The following CACNA2D3 variants were observed in gnomAD, a reference collection of about 807,000 sequenced individuals.
CACNA2D3 encodes voltage-dependent calcium channel subunit alpha-2/delta-3.
In CACNA2D3, 60 loss-of-function variants were observed where a neutral mutation model predicts 160.6. The observed-to-expected ratio is 0.37, with a 90% confidence interval of 0.30 to 0.46. The LOEUF (loss-of-function observed/expected upper bound fraction) is 0.46. Ranked by LOEUF, CACNA2D3 falls within the 20% of genes least tolerant of loss-of-function variation. CACNA2D3 has a pLI of 1.00. For synonymous variants in CACNA2D3, 558 were observed against 492.9 expected, an observed-to-expected ratio of 1.13 and a Z score of -1.75; for missense variants, 1,205 against 1,365.0, an observed-to-expected ratio of 0.88 and a Z score of 1.85.
intron 11 of CACNA2D3, among the ~76,000 whole-genome samples, chr3:54,721,158 C>G (rs937774948): frequency 6.6e-6 from 1 of 151,994 alleles, no homozygotes; most frequent in African/African-American, 2.4e-5. Context: ...GCACTTTTCC[C>G]ACTTATATAA....
At chr3:54,867,177 G>A (rs1225321826) in intron 17 of CACNA2D3, among the ~76,000 whole-genome samples, 1 of 152,198 alleles carries the variant, frequency 6.6e-6, no homozygotes, top group African/African-American at 2.4e-5. Context: ...TGGAGCCGAG[G>A]GACCTGGGAT....
At chr3:54,816,709 A>C (rs1703466567) in intron 13 of CACNA2D3, 144 bp from the exon 14 acceptor site, 2 of 830,542 alleles carry the variant, frequency 2.4e-6, no homozygotes, top group Non-Finnish European at 3.7e-6. Context: ...ATTTTGAAAA[A>C]TAACTTGCTT....
At position 54,287,395 on chromosome 3, in the gene CACNA2D3, T is replaced by C. The variant is rs373969778; in HGVS notation, c.205-33047T>C. Among the ~76,000 whole-genome samples the C allele has an allele frequency of 8.6e-3, 1,299 of 151,234 alleles. 14 individuals are homozygous for C. The highest frequency in any genetic ancestry group is 0.026 in the African/African-American group (1,074 of 41,204). On this transcript the variant is annotated intron_variant, in intron 2 of 37. Transcript: ENST00000474759. The stretch of plus-strand genomic sequence containing the variant: ...AGCTAACTATCCTAAATATATATGC[T>C]CCCAATACAGGAGCACCCAGATTCA...
chr3:54,445,461 G>A (rs72973148), intron 4 of CACNA2D3, among the ~76,000 whole-genome samples: 2,272 of 152,066 alleles, frequency 0.015, 61 homozygotes, highest in African/African-American at 0.051. Flanking sequence ...AAAGCAACTT[G>A]TAAGAGAGCA....
At chr3:54,446,686 C>G (rs1700226606) in intron 4 of CACNA2D3, among the ~76,000 whole-genome samples, 1 of 152,056 alleles carries the variant, frequency 6.6e-6, no homozygotes, top group Non-Finnish European at 1.5e-5. Flanking sequence ...GACATTTAAG[C>G]AAGCCTCATG....
intron 17 of CACNA2D3, among the ~76,000 whole-genome samples, chr3:54,858,875 C>T (rs1039626346): frequency 8.5e-5 from 13 of 152,182 alleles, no homozygotes; most frequent in Non-Finnish European, 1.9e-4. Context: ...GATTATTCCT[C>T]TGGGAGTTTA....
chr3:54,893,121 C>T (rs976174724), intron 25 of CACNA2D3, among the ~76,000 whole-genome samples: 2 of 152,050 alleles, frequency 1.3e-5, no homozygotes, highest in African/African-American at 4.8e-5. Flanking sequence ...ACTAAAAATA[C>T]AAAAATTAGC....
At chr3:54,482,252 T>C (rs1222893828) in intron 4 of CACNA2D3, among the ~76,000 whole-genome samples, 1 of 152,220 alleles carries the variant, frequency 6.6e-6, no homozygotes, top group East Asian at 1.9e-4. Flanking sequence ...TGTTGTTGTA[T>C]TTTTATCTGT....
chr3:54,850,769 A>G (rs1394316766), intron 17 of CACNA2D3, among the ~76,000 whole-genome samples: 2 of 152,228 alleles, frequency 1.3e-5, no homozygotes, highest in South Asian at 2.1e-4. Flanking sequence ...TGAAGCCTGC[A>G]TTGAAATTGG....
chr3:54,863,686 G>C (rs889116498), intron 17 of CACNA2D3, among the ~76,000 whole-genome samples: 2 of 151,136 alleles, frequency 1.3e-5, no homozygotes, highest in Admixed American at 1.3e-4. Flanking sequence ...AGGTCATTCA[G>C]GTTTTCAAAG....
chr3:54,879,235 T>G (rs1699735285), intron 19 of CACNA2D3, 115 bp from the exon 20 acceptor site: 17 of 871,620 alleles, frequency 2.0e-5, no homozygotes, highest in Non-Finnish European at 2.9e-5. Flanking sequence ...ATTCATGTAG[T>G]ACTGTTAACC....
chr3:54,744,673 C>G (rs1701717942), intron 11 of CACNA2D3, among the ~76,000 whole-genome samples: 1 of 152,244 alleles, frequency 6.6e-6, no homozygotes, highest in South Asian at 2.1e-4. Flanking sequence ...CCTCTTCAAC[C>G]AAACTTCTGG....
At chr3:54,850,893 T>C (rs1475144061) in intron 17 of CACNA2D3, among the ~76,000 whole-genome samples, 1 of 152,212 alleles carries the variant, frequency 6.6e-6, no homozygotes. Flanking sequence ...TGGGAGTGGA[T>C]GAGATGGGAG....
chr3:54,897,023 A>G (rs1255623135), intron 26 of CACNA2D3, 153 bp downstream of exon 26: 1 of 834,396 alleles, frequency 1.2e-6, no homozygotes, highest in African/African-American at 1.7e-5. Flanking sequence ...TGAACCAGTG[A>G]CCAGTTCCAT....
In CACNA2D3 at chr3:55,007,850, A is replaced by G; in HGVS notation, c.2819+8A>G. On this transcript the variant is annotated splice_region_variant and intron_variant, in intron 33 of 37. Coordinates refer to ENST00000474759, the MANE Select transcript of CACNA2D3 (RefSeq NM_018398.3). ...CATGACAGAACTTGTCTTGTAAGTA[A>G]AATCTGCTGCATTTTTTTGAAAAGT... The G allele has an allele frequency of 6.6e-7, 1 of 1,523,642 alleles. No individual in the cohort carries two copies. 94.4% of individuals were successfully genotyped at this position (1,523,642 alleles called of 1,614,324 possible).
chr3:54,176,182 T>C (rs1488301806), intron 2 of CACNA2D3, among the ~76,000 whole-genome samples: 1 of 152,222 alleles, frequency 6.6e-6, no homozygotes, highest in Non-Finnish European at 1.5e-5. Context: ...TTTTATTGTG[T>C]TACACTGGCT....
chr3:54,515,593 A>G (rs1370361638), intron 5 of CACNA2D3, among the ~76,000 whole-genome samples: 1 of 152,174 alleles, frequency 6.6e-6, no homozygotes, highest in African/African-American at 2.4e-5. Flanking sequence ...TGCAGATGCT[A>G]CCTTTGCAGG....
At chr3:54,392,813 AG>A (rs1425606150) in intron 4 of CACNA2D3, among the ~76,000 whole-genome samples, 1 of 152,310 alleles carries the variant, frequency 6.6e-6, no homozygotes, top group Non-Finnish European at 1.5e-5. Context: ...AAGGAGAGAA[AG>A]GGCAGCTCAG....
At chr3:54,455,697 A>G (rs1488561918) in intron 4 of CACNA2D3, among the ~76,000 whole-genome samples, 2 of 152,110 alleles carry the variant, frequency 1.3e-5, no homozygotes, top group Non-Finnish European at 2.9e-5. Context: ...TACTCATTTC[A>G]TAATTTCATT....
Sources: gnomAD v4.1 joint callset for allele counts (sites outside exome capture counted in the v4.1 genomes callset) on GRCh38, gnomAD v4.1.1 for gene constraint, MANE v1.5 for transcripts, NCBI Gene and HGNC (gene_info 2026-07-23, HGNC 2026-07-21) for gene names.